Variants in ZNF284 observed in about 807,000 individuals in gnomAD.
The protein encoded by ZNF284 is zinc finger protein 284.
Under a neutral mutation model 12.9 loss-of-function variants are expected in ZNF284, and 12 were observed. The observed-to-expected ratio is 0.93, with a 90% CI of 0.60 to 1.51. The LOEUF is 1.51. Ranked by LOEUF, ZNF284 falls within the 40% of genes most tolerant of loss-of-function variation. ZNF284 has a pLI of 0.00. For synonymous variants in ZNF284, 225 were observed against 236.5 expected (o/e 0.95, Z 0.45); for missense variants, 667 against 707.3 (o/e 0.94, Z 0.65).
In ZNF284 at chr19:44,073,415, C is replaced by T. The variant is rs573945957; in HGVS notation, c.-69+1124C>T. Reference sequence around the variant, plus strand: ...TTCATTAGAACTATTTCATTTATTACAAATATTTCACTTGTTATGCAGCGG... The same window carrying T: ...TTCATTAGAACTATTTCATTTATTATAAATATTTCACTTGTTATGCAGCGG... On this transcript the variant is annotated intron_variant, in intron 1 of 4. Transcript: ENST00000421176. Among the ~76,000 whole-genome samples the T allele has an allele frequency of 2.0e-5, 3 of 152,242 alleles. No homozygotes were observed. The South Asian group carries it at 6.2e-4, about 32-fold the overall frequency.
Position 44,086,755 on chromosome 19 carries a change from T to A in ZNF284, c.1277T>A (p.Leu426Gln). Residue 426 changes from leucine (L) to glutamine (Q), a missense_variant, in exon 5 of 5, where the codon CTG becomes CAG. Leu to Gln is a moderately radical substitution (Grantham distance 113). Coordinates refer to ENST00000421176, the MANE Select transcript of ZNF284 (RefSeq NM_001037813.4). ...CAGAGAGCCTATAGAGAAGAAGAACTGTATAAATGTCAGAAGTGTGGGAAG... is the reference window on the plus strand; with the variant it reads ...CAGAGAGCCTATAGAGAAGAAGAACAGTATAAATGTCAGAAGTGTGGGAAG... ...SHQRAYREEE[L>Q]YKCQKCGKGY... 6.2e-7 allele frequency: 1 copy of A among 1,614,038 alleles called. No individual in the cohort carries two copies.
At position 44,088,506 on chromosome 19, in the gene ZNF284, T is replaced by C. The variant is rs1292986337; in HGVS notation, c.*1246T>C. On this transcript the variant is annotated 3_prime_UTR_variant, in exon 5 of 5. Transcript: ENST00000421176. ...ATAAATATAGGAGTGCAGATAGGAG[T>C]TCAACACACTGATTTCCTTTCCTTT... The C allele has an allele frequency of 6.6e-6, 1 of 152,136 alleles. No homozygotes were observed. The highest frequency in any genetic ancestry group is 1.9e-4 in the East Asian group (1 of 5,198). The allele number at this position is 152,136 out of a possible 1,614,324, so 9.4% of individuals were successfully genotyped here. A position where few individuals can be genotyped will look rare whatever the true frequency, so the allele number is the denominator to read the frequency against.
intron 3 of ZNF284, among the ~76,000 whole-genome samples, chr19:44,081,658 G>A (rs1156303046): frequency 2.0e-5 from 3 of 152,018 alleles, no homozygotes. Context: ...CTTGCAGTGA[G>A]CCGAGATCGC....
In ZNF284 at chr19:44,081,996, T is replaced by C. The variant is rs1298672060; in HGVS notation, c.143-17T>C. On this transcript the variant is annotated splice_polypyrimidine_tract_variant and intron_variant, in intron 3 of 4. Transcript: ENST00000421176. ...ACCTAAGATGTATTGGGATTAAGCA[T>C]GTGACTTTGTTCACAGGGCATCAAC... The C allele has an allele frequency of 2.5e-6, 4 of 1,606,974 alleles. No individual in the cohort carries two copies. In the Admixed American group the frequency reaches 5.0e-5, roughly 20 times the overall value.
intron 4 of ZNF284, 33 bp from the exon 5 acceptor site, chr19:44,085,681 T>A: frequency 6.5e-7 from 1 of 1,549,116 alleles, no homozygotes; most frequent in South Asian, 1.2e-5. Context: ...AAGGTTTCAC[T>A]TACCCACATC....
chr19:44,083,161 G>A (rs1054992994), intron 4 of ZNF284, among the ~76,000 whole-genome samples: 5 of 151,980 alleles, frequency 3.3e-5, no homozygotes, highest in Admixed American at 2.0e-4. Flanking sequence ...CCAGCCGGGC[G>A]TGGTGGCTCA....
At chr19:44,079,870 G>A (rs1048503895) in intron 2 of ZNF284, among the ~76,000 whole-genome samples, 2 of 152,100 alleles carry the variant, frequency 1.3e-5, no homozygotes, top group Non-Finnish European at 2.9e-5. Context: ...GGAGGTTGCC[G>A]TGAGCTGAGT....
At chr19:44,079,710 AAAAACAAAAC>A (rs767960439) in intron 2 of ZNF284, among the ~76,000 whole-genome samples, 3 of 151,352 alleles carry the variant, frequency 2.0e-5, no homozygotes, top group South Asian at 2.1e-4. Context: ...CCATCTCAAA[AAAAACAAAAC>A]AAAACAAAAC....
In ZNF284 at chr19:44,086,858, T is replaced by C. The variant is rs772426142; in HGVS notation, c.1380T>C (p.Cys460=). Reference sequence around the variant, plus strand: ...AGAGACCTTATAATTGTAAGGAATGTGGAAAGAGCTTCAGGTGGGCCTCAG... The same window carrying C: ...AGAGACCTTATAATTGTAAGGAATGCGGAAAGAGCTTCAGGTGGGCCTCAG... ...TGERPYNCKE[C]GKSFRWASGI... Residue 460 remains cysteine, a synonymous_variant, in exon 5 of 5, where the codon TGT becomes TGC. Transcript: ENST00000421176. 11 of 1,613,778 alleles carry C rather than the reference T, an allele frequency of 6.8e-6. No homozygotes were observed. The highest frequency in any genetic ancestry group is 1.7e-5 in the Admixed American group (1 of 59,942).
Position 44,077,985 on chromosome 19 carries a change from T to C in ZNF284, c.15+1581T>C, listed in dbSNP as rs141949862. The stretch of plus-strand genomic sequence containing the variant: ...AGGACAGTGATTGCTACACTCACTA[T>C]AGAAAATCTTTAAATTCCTAATGGC... On this transcript the variant is annotated intron_variant, in intron 2 of 4. Coordinates refer to ENST00000421176, the MANE Select transcript of ZNF284 (RefSeq NM_001037813.4). 4.6e-3 allele frequency among the ~76,000 whole-genome samples: 703 copies of C among 152,270 alleles called. 2 individuals carry two copies. Among genetic ancestry groups the C allele is most frequent in the Non-Finnish European group, 7.5e-3 (513 of 68,026 alleles).
chr19:44,073,545 A>ATTT (rs11331410), intron 1 of ZNF284, among the ~76,000 whole-genome samples: 3 of 140,362 alleles, frequency 2.1e-5, no homozygotes, highest in African/African-American at 7.8e-5. Context: ...CTTCGAGTGC[A>ATTT]TTTTTTTTTT....
chr19:44,085,884 G>A lies in ZNF284; in HGVS notation c.406G>A (p.Gly136Arg), dbSNP rs770158723. 3 of 1,614,168 alleles carry A rather than the reference G, an allele frequency of 1.9e-6. No homozygotes were observed. The Admixed American group carries it at 5.0e-5, about 27-fold the overall frequency. ...TGATGTCCCCTCCCAGGTTGACGCA[G>A]GACTATCTATAATTCACATAGGAGA... ...QGDVPSQVDA[G>R]LSIIHIGETP... The change falls in exon 5 of 5, where the codon GGA becomes AGA. Residue 136 changes from glycine (G) to arginine (R), a missense_variant. Coordinates refer to ENST00000421176, the MANE Select transcript of ZNF284 (RefSeq NM_001037813.4).
intron 4 of ZNF284, among the ~76,000 whole-genome samples, chr19:44,084,143 C>G (rs573406252): frequency 9.2e-5 from 14 of 152,290 alleles, no homozygotes; most frequent in Non-Finnish European, 1.8e-4. Flanking sequence ...TGTCCTCAGG[C>G]CTTTCAGTGG....
intron 4 of ZNF284, among the ~76,000 whole-genome samples, chr19:44,083,466 T>TTTATGGCA (rs1967160992): frequency 1.6e-5 from 1 of 62,332 alleles, no homozygotes; most frequent in Non-Finnish European, 3.9e-5. Context: ...TATATATATA[T>TTTATGGCA]ATATATATAG....
chr19:44,086,605 G>C lies in ZNF284; in HGVS notation c.1127G>C (p.Cys376Ser). 6.2e-7 allele frequency: 1 copy of C among 1,614,234 alleles called. No individual in the cohort carries two copies. The highest frequency in any genetic ancestry group is 8.5e-7 in the Non-Finnish European group (1 of 1,180,036). ...TGDKPYNCNV[C>S]GKGFRWSSCL... ...GACAAACCATATAATTGTAATGTAT[G>C]TGGGAAGGGCTTCAGGTGGTCCTCA... The change falls in exon 5 of 5, where the codon TGT becomes TCT. Residue 376 changes from cysteine (C) to serine (S), a missense_variant. Coordinates refer to ENST00000421176, the MANE Select transcript of ZNF284 (RefSeq NM_001037813.4).
chr19:44,087,320 T>G lies in ZNF284; in HGVS notation c.*60T>G. ...AATACATGTATACAATGTATAATGATCAAATCAGTGTTATTAGCATATCCA... is the reference window on the plus strand; with the variant it reads ...AATACATGTATACAATGTATAATGAGCAAATCAGTGTTATTAGCATATCCA... On this transcript the variant is annotated 3_prime_UTR_variant, in exon 5 of 5. Coordinates refer to ENST00000421176, the MANE Select transcript of ZNF284 (RefSeq NM_001037813.4). The G allele has an allele frequency of 8.1e-7, 1 of 1,230,472 alleles. No homozygotes were observed. Among genetic ancestry groups the G allele is most frequent in the Non-Finnish European group, 1.1e-6 (1 of 909,862 alleles). 76.2% of individuals were successfully genotyped at this position (1,230,472 alleles called of 1,614,324 possible). A position where few individuals can be genotyped will look rare whatever the true frequency, so the allele number is the denominator to read the frequency against.
chr19:44,074,298 A>G, intron 1 of ZNF284, among the ~76,000 whole-genome samples: 1 of 152,086 alleles, frequency 6.6e-6, no homozygotes. Flanking sequence ...GGTTGCAGTG[A>G]GCCAAGATTG....
At position 44,086,911 on chromosome 19, in the gene ZNF284, C is replaced by G. The variant is rs751372884; in HGVS notation, c.1433C>G (p.Thr478Ser). 1.2e-6 allele frequency: 2 copies of G among 1,614,110 alleles called. No individual in the cohort carries two copies. Among genetic ancestry groups the G allele is most frequent in the South Asian group, 2.2e-5 (2 of 91,072 alleles). Residue 478 changes from threonine (T) to serine (S), a missense_variant, in exon 5 of 5, where the codon ACT (threonine) becomes AGT (serine). Transcript: ENST00000421176. The part of the protein sequence containing the change: ...SGILRHKRLH[T>S]GEKPFKCEEC... ...ATTTTGAGACATAAGAGACTCCATA[C>G]TGGAGAAAAACCATTCAAATGTGAA...
At chr19:44,082,274 ATC>A (rs1429677537) in intron 4 of ZNF284, among the ~76,000 whole-genome samples, 169 bp downstream of exon 4, 1 of 151,038 alleles carries the variant, frequency 6.6e-6, no homozygotes, top group Non-Finnish European at 1.5e-5. Context: ...CCACCCTGAC[ATC>A]TGTTTTCCTC....
Sources: allele counts gnomAD v4.1 joint callset (sites outside exome capture counted in the v4.1 genomes callset), GRCh38; gene constraint gnomAD v4.1.1; transcripts MANE v1.5; gene names NCBI Gene and HGNC (gene_info 2026-07-23, HGNC 2026-07-21).